SERPINB8: variants seen among roughly 807,000 people sequenced by gnomAD.
The protein encoded by SERPINB8 is serpin B8.
In SERPINB8, 25 loss-of-function variants were observed where a neutral mutation model predicts 35.3. The observed-to-expected ratio is 0.71, with a 90% CI of 0.52 to 0.99. SERPINB8 has a LOEUF of 0.99. Among genes scored for constraint, SERPINB8 ranks in the 50% least tolerant of loss-of-function variants. The probability of loss-of-function intolerance (pLI) is 0.00; values close to 1 mark genes in which losing one functional copy is unlikely to be tolerated. For missense variants in SERPINB8, 484 were observed against 446.5 expected (o/e 1.08, Z -0.76); for synonymous variants, 186 against 160.8 (o/e 1.16, Z -1.19).
At chr18:64,014,801 T>C (rs1568084006) in intron 7 of SERPINB8, among the ~76,000 whole-genome samples, 2 of 152,116 alleles carry the variant, frequency 1.3e-5, no homozygotes, top group South Asian at 4.1e-4. Flanking sequence ...TCCTACTTAT[T>C]CTTGAAAAAA....
At chr18:63,977,399 T>C (rs2050598365) in intron 1 of SERPINB8, among the ~76,000 whole-genome samples, 1 of 151,898 alleles carries the variant, frequency 6.6e-6, no homozygotes, top group South Asian at 2.1e-4. Flanking sequence ...TGATCTCGGC[T>C]CTCTGCAGCC....
intron 4 of SERPINB8, 103 bp from the exon 5 acceptor site, chr18:63,983,476 A>G: frequency 4.6e-6 from 5 of 1,084,990 alleles, no homozygotes; most frequent in Non-Finnish European, 6.9e-6. Context: ...ACAGAACTCC[A>G]GCCTGTCTCT....
chr18:63,998,312 A>G (rs978081181), intron 1 of SERPINB8, among the ~76,000 whole-genome samples: 3 of 152,192 alleles, frequency 2.0e-5, no homozygotes, highest in Admixed American at 6.5e-5. Context: ...ATATTTGTTT[A>G]TTTCTCTGGC....
At chr18:64,013,238 C>T (rs553805866) in intron 7 of SERPINB8, among the ~76,000 whole-genome samples, 4 of 151,832 alleles carry the variant, frequency 2.6e-5, no homozygotes, top group Admixed American at 6.6e-5. Context: ...AATTCTGATT[C>T]CCCCCAGTGC....
chr18:64,008,416 T>G (rs2050910358), downstream of SERPINB8, among the ~76,000 whole-genome samples: 4 of 151,874 alleles, frequency 2.6e-5, no homozygotes, highest in South Asian at 8.3e-4. Context: ...TAATTTTTTT[T>G]TTTTTAATTT....
At chr18:63,978,820 T>C (rs1377061004) in intron 2 of SERPINB8, among the ~76,000 whole-genome samples, 1 of 152,192 alleles carries the variant, frequency 6.6e-6, no homozygotes, top group African/African-American at 2.4e-5. Flanking sequence ...AAACTTTTGC[T>C]AACATTATAT....
At chr18:64,009,159 T>C (rs2050914513), downstream of SERPINB8, among the ~76,000 whole-genome samples, 1 of 152,196 alleles carries the variant, frequency 6.6e-6, no homozygotes, top group African/African-American at 2.4e-5. Context: ...GATTGTTATG[T>C]TGAAAATTAT....
chr18:63,972,619 T>C (rs185531422), intron 1 of SERPINB8, among the ~76,000 whole-genome samples: 332 of 152,270 alleles, frequency 2.2e-3, no homozygotes, highest in African/African-American at 7.4e-3. Context: ...GTATTTCTCC[T>C]AATGCTATTC....
At chr18:64,012,155 T>C (rs2050928716) in intron 7 of SERPINB8, among the ~76,000 whole-genome samples, 1 of 152,152 alleles carries the variant, frequency 6.6e-6, no homozygotes, top group Non-Finnish European at 1.5e-5. Context: ...TAATATATAA[T>C]AAAATATATG....
intron 1 of SERPINB8, among the ~76,000 whole-genome samples, chr18:63,971,708 G>A (rs187059817): frequency 1.3e-5 from 2 of 152,276 alleles, no homozygotes; most frequent in East Asian, 3.9e-4. Flanking sequence ...ATACTGAGCC[G>A]GGTTATCTTT....
chr18:63,989,697 A>C (rs1415813132), downstream of SERPINB8, among the ~76,000 whole-genome samples: 4 of 152,078 alleles, frequency 2.6e-5, no homozygotes, highest in Admixed American at 6.5e-5. Flanking sequence ...TAATCCCAGC[A>C]CTTTGGGAGG....
chr18:64,001,197 A>G (rs542493191), intron 1 of SERPINB8, among the ~76,000 whole-genome samples: 1 of 152,330 alleles, frequency 6.6e-6, no homozygotes, highest in South Asian at 2.1e-4. Context: ...CTTACTTTTA[A>G]CCAGTCTGAC....
downstream of SERPINB8, among the ~76,000 whole-genome samples, chr18:64,009,724 T>C (rs1423036516): frequency 6.6e-6 from 1 of 152,238 alleles, no homozygotes; most frequent in Admixed American, 6.5e-5. Flanking sequence ...CAGACCTTGA[T>C]GATGACCTTG....
At chr18:64,015,911 T>C (rs2144853418) in intron 7 of SERPINB8, among the ~76,000 whole-genome samples, 1 of 152,298 alleles carries the variant, frequency 6.6e-6, no homozygotes, top group Non-Finnish European at 1.5e-5. Context: ...AATCTCCTTC[T>C]CCTCCTAATA....
chr18:63,986,679 G>A, intron 6 of SERPINB8, 195 bp from the exon 7 acceptor site: 1 of 1,377,834 alleles, frequency 7.3e-7, no homozygotes, highest in South Asian at 1.9e-5. Flanking sequence ...TTTTACACTT[G>A]TCTCCATAAA....
At chr18:63,995,022 T>C (rs1218697480) in intron 1 of SERPINB8, among the ~76,000 whole-genome samples, 1 of 152,060 alleles carries the variant, frequency 6.6e-6, no homozygotes, top group Non-Finnish European at 1.5e-5. Context: ...CCCAAATTGC[T>C]CTCTGAGCCT....
Position 63,981,842 on chromosome 18 carries a change from A to G in SERPINB8, c.424+4A>G, listed in dbSNP as rs547492682. 8.2e-5 allele frequency: 130 copies of G among 1,579,992 alleles called. 2 individuals carry two copies. In the South Asian group the frequency reaches 1.4e-3, roughly 17 times the overall value. ...TGGGTGGCAGAGAAGACTGAAGGTG[A>G]GACAGTTTCATTTCTGTTGATTTGG... On this transcript the variant is annotated splice_donor_region_variant and intron_variant, in intron 4 of 6. Transcript: ENST00000397985.
Position 63,985,238 on chromosome 18 carries a change from T to C in SERPINB8, c.713T>C (p.Leu238Pro). 1 of 1,614,158 alleles carries C rather than the reference T, an allele frequency of 6.2e-7. No individual in the cohort carries two copies. Among genetic ancestry groups the C allele is most frequent in the African/African-American group, 1.3e-5 (1 of 75,052 alleles). The change falls in exon 6 of 7, where the codon CTC becomes CCC. Residue 238 changes from leucine (L) to proline (P), a missense_variant. Coordinates refer to ENST00000397985, the MANE Select transcript of SERPINB8 (RefSeq NM_002640.4). Reference protein sequence around the residue: ...VILLPDDNTDLAVVEKALTYE... With the variant: ...VILLPDDNTDPAVVEKALTYE... ...CTGCTTCCCGATGACAACACGGACCTCGCCGTGGTAAGCTCCAGGCAATGA... is the reference window on the plus strand; with the variant it reads ...CTGCTTCCCGATGACAACACGGACCCCGCCGTGGTAAGCTCCAGGCAATGA...
downstream of SERPINB8, among the ~76,000 whole-genome samples, chr18:64,006,102 G>A (rs530040772): frequency 7.9e-5 from 12 of 152,222 alleles, no homozygotes; most frequent in African/African-American, 2.2e-4. Context: ...AGAAATCATC[G>A]ACAATGACAA....
Sources: gnomAD v4.1 joint callset for allele counts (sites outside exome capture counted in the v4.1 genomes callset) on GRCh38, gnomAD v4.1.1 for gene constraint, MANE v1.5 for transcripts, NCBI Gene and HGNC (gene_info 2026-07-23, HGNC 2026-07-21) for gene names.